FANCD2: variants seen among roughly 807,000 people sequenced by gnomAD.
FANCD2 encodes FA complementation group D2.
Under a neutral mutation model 192.3 loss-of-function variants are expected in FANCD2, and 131 were observed. The observed-to-expected ratio is 0.68, with a 90% CI of 0.59 to 0.79. FANCD2 has a LOEUF of 0.79. Ranked by LOEUF, FANCD2 falls within the 30% of genes least tolerant of loss-of-function variation. The pLI is 0.00. For synonymous variants in FANCD2, 524 were observed against 612.5 expected (o/e 0.86, Z 2.13); for missense variants, 1,508 against 1,701.6 (o/e 0.89, Z 2.00).
intron 34 of FANCD2, among the ~76,000 whole-genome samples, chr3:10,087,845 C>T (rs1016388876): frequency 9.2e-5 from 14 of 152,112 alleles, no homozygotes; most frequent in African/African-American, 3.4e-4. Context: ...GACGGGGTTT[C>T]ACCATGTTGG....
intron 36 of FANCD2, among the ~76,000 whole-genome samples, chr3:10,090,033 G>A (rs558022247): frequency 6.6e-6 from 1 of 152,268 alleles, no homozygotes; most frequent in African/African-American, 2.4e-5. Flanking sequence ...CTCAAACTCA[G>A]ATCTTCTCAC....
intron 33 of FANCD2, 78 bp from the exon 34 acceptor site, chr3:10,087,056 G>A (rs1432137048): frequency 1.3e-6 from 2 of 1,508,758 alleles, no homozygotes; most frequent in Non-Finnish European, 1.8e-6. Flanking sequence ...AGGGACTTGG[G>A]CACGTCATGT....
At chr3:10,083,384 A>T in intron 32 of FANCD2, among the ~76,000 whole-genome samples, 1 of 152,186 alleles carries the variant, frequency 6.6e-6, no homozygotes, top group Admixed American at 6.5e-5. Flanking sequence ...AGCACAACAC[A>T]CTCACTAGCA....
chr3:10,047,352 A>G (rs1205950661), intron 15 of FANCD2, among the ~76,000 whole-genome samples: 1 of 152,294 alleles, frequency 6.6e-6, no homozygotes, highest in Non-Finnish European at 1.5e-5. Flanking sequence ...TTCCCCAATA[A>G]AGCATTATAC....
intron 32 of FANCD2, among the ~76,000 whole-genome samples, chr3:10,084,549 C>T (rs371002110): frequency 6.6e-6 from 1 of 152,188 alleles, no homozygotes; most frequent in Non-Finnish European, 1.5e-5. Context: ...ATCCACCCGC[C>T]TCAGCCTCCC....
chr3:10,073,446 A>C (rs1334495616), intron 28 of FANCD2, 84 bp downstream of exon 28: 2 of 1,110,912 alleles, frequency 1.8e-6, no homozygotes, highest in Non-Finnish European at 2.8e-6. Flanking sequence ...GGCATTTTAC[A>C]AAGAAAAAAA....
At chr3:10,069,719 C>G (rs983467127) in intron 26 of FANCD2, among the ~76,000 whole-genome samples, 1 of 152,182 alleles carries the variant, frequency 6.6e-6, no homozygotes, top group Admixed American at 6.5e-5. Context: ...TAGCCTCAGC[C>G]TCCCGAGGTG....
In FANCD2 at chr3:10,081,012, A is replaced by G. The variant is rs1693802988; in HGVS notation, c.2977-88A>G. The G allele has an allele frequency of 8.3e-6, 12 of 1,437,436 alleles. No individual in the cohort carries two copies. The South Asian group carries it at 1.4e-4, about 16-fold the overall frequency. The allele number at this position is 1,437,436 out of a possible 1,614,324, so 89.0% of individuals were successfully genotyped here. A position where few individuals can be genotyped will look rare whatever the true frequency, so the allele number is the denominator to read the frequency against. ...CTCCCATCTGCTCCTACCTGGTGAC[A>G]CAGGTTTGACTTGACTCCATTGCGA... On this transcript the variant is annotated intron_variant, in intron 30 of 43. Coordinates refer to ENST00000675286, the MANE Select transcript of FANCD2 (RefSeq NM_001018115.3).
chr3:10,074,728 G>A (rs1693443819), intron 29 of FANCD2, 55 bp downstream of exon 29: 2 of 1,553,460 alleles, frequency 1.3e-6, no homozygotes, highest in Admixed American at 1.7e-5. Flanking sequence ...AGTTCCTCAG[G>A]TCTATTCTTA....
At position 10,060,013 on chromosome 3, in the gene FANCD2, C is replaced by T. The variant is rs554389554; in HGVS notation, c.1657-281C>T. On this transcript the variant is annotated intron_variant, in intron 18 of 43. Coordinates refer to ENST00000675286, the MANE Select transcript of FANCD2 (RefSeq NM_001018115.3). ...TGAAACCCCATCTCTACTAAAAATA[C>T]AAAATAAGCCGGGCATGGTGGCGGG... 5.7e-4 allele frequency among the ~76,000 whole-genome samples: 86 copies of T among 151,510 alleles called. 1 individual carries two copies. The highest frequency in any genetic ancestry group is 2.1e-3 in the African/African-American group (86 of 41,338).
rs138409505 is a variant in FANCD2 at position 10,088,525 on chromosome 3, G to A, written c.3543G>A (p.Gln1181=). The A allele has an allele frequency of 2.5e-6, 4 of 1,604,682 alleles. No homozygotes were observed. The African/African-American group carries it at 4.0e-5, about 16-fold the overall frequency. Residue 1181 remains glutamine (Q), a synonymous_variant, in exon 35 of 44, where the codon CAG becomes CAA. Coordinates refer to ENST00000675286, the MANE Select transcript of FANCD2 (RefSeq NM_001018115.3). ...DKEKSNISND[Q]LHALLCIYLE... ...AGAAGAGCAACATCTCTAATGACCA[G>A]CTCCATGCTCTGCTCTGGTGAGATG... is the stretch of plus-strand genomic sequence containing the variant.
In FANCD2 at chr3:10,039,706, T is replaced by C; in HGVS notation, c.571-15T>C. On this transcript the variant is annotated splice_polypyrimidine_tract_variant and intron_variant, in intron 8 of 43. Transcript: ENST00000675286. ...GGGTAATGTGCTGCAGTTCTAATAG[T>C]GTCTTCTACTGCAGGACCTCACCAC... 1.2e-6 allele frequency: 2 copies of C among 1,614,040 alleles called. No individual in the cohort carries two copies. The highest frequency in any genetic ancestry group is 1.7e-6 in the Non-Finnish European group (2 of 1,179,972).
At chr3:10,079,536 C>A (rs1488227772) in intron 30 of FANCD2, among the ~76,000 whole-genome samples, 1 of 152,162 alleles carries the variant, frequency 6.6e-6, no homozygotes, top group Non-Finnish European at 1.5e-5. Context: ...GAACTCCTGA[C>A]CTCATGATCC....
chr3:10,042,474 T>G, intron 10 of FANCD2, 85 bp from the exon 11 acceptor site: 1 of 1,118,952 alleles, frequency 8.9e-7, no homozygotes, highest in Non-Finnish European at 1.4e-6. Flanking sequence ...AGAAGTGATT[T>G]TTTTCTAATT....
chr3:10,027,505 T>C (rs1459816985), intron 1 of FANCD2, among the ~76,000 whole-genome samples: 1 of 152,184 alleles, frequency 6.6e-6, no homozygotes, highest in East Asian at 1.9e-4. Context: ...GATTTCTAAC[T>C]CCACATCTCC....
At chr3:10,089,041 G>A in intron 36 of FANCD2, 91 bp downstream of exon 36, 2 of 1,417,722 alleles carry the variant, frequency 1.4e-6, no homozygotes, top group Admixed American at 1.7e-5. Flanking sequence ...CCAGCACTTT[G>A]GGAGGCTGAG....
Position 10,079,431 on chromosome 3 carries a change from A to G in FANCD2, c.2976+1234A>G, listed in dbSNP as rs547806425. On this transcript the variant is annotated intron_variant, in intron 30 of 43. Transcript: ENST00000675286. The stretch of plus-strand genomic sequence containing the variant: ...GCGATTCTCCTGCTGCAGCCTCCTG[A>G]GTAGCTGGGGACTACAGGCGCGCGC... Among the ~76,000 whole-genome samples the G allele has an allele frequency of 1.3e-4, 19 of 151,972 alleles. No individual in the cohort carries two copies. The South Asian group carries it at 3.3e-3, about 27-fold the overall frequency.
At chr3:10,089,041 G>T in intron 36 of FANCD2, 91 bp downstream of exon 36, 2 of 1,417,720 alleles carry the variant, frequency 1.4e-6, no homozygotes, top group Admixed American at 3.4e-5. Context: ...CCAGCACTTT[G>T]GGAGGCTGAG....
At chr3:10,027,039 G>A (rs2086470053) in intron 1 of FANCD2, among the ~76,000 whole-genome samples, 1 of 152,166 alleles carries the variant, frequency 6.6e-6, no homozygotes, top group Non-Finnish European at 1.5e-5. Context: ...ACCTCAAAAA[G>A]TTTTGTGGGA....
Sources: allele counts gnomAD v4.1 joint callset (sites outside exome capture counted in the v4.1 genomes callset), GRCh38; gene constraint gnomAD v4.1.1; transcripts MANE v1.5; gene names NCBI Gene and HGNC (gene_info 2026-07-23, HGNC 2026-07-21).